Variants in TMEM117 observed in about 807,000 individuals in gnomAD.
The protein encoded by TMEM117 is transmembrane protein 117.
TMEM117 carries 27 observed loss-of-function variants against 52.4 expected under a neutral mutation model. The observed-to-expected ratio is 0.51, with a 90% CI of 0.38 to 0.71. The LOEUF (loss-of-function observed/expected upper bound fraction) is 0.71. Ranked by LOEUF, TMEM117 falls within the 30% of genes least tolerant of loss-of-function variation. The pLI is 0.00. For missense variants in TMEM117, 556 were observed against 630.5 expected (o/e 0.88, Z 1.26); for synonymous variants, 215 against 206.3 (o/e 1.04, Z -0.36).
At chr12:44,086,207 T>A (rs1306240946) in intron 3 of TMEM117, among the ~76,000 whole-genome samples, 4 of 148,200 alleles carry the variant, frequency 2.7e-5, no homozygotes, top group Admixed American at 6.7e-5. Flanking sequence ...GGATGTTGCT[T>A]CCAAGTCTTT....
At chr12:44,301,467 C>T (rs527949044) in intron 6 of TMEM117, among the ~76,000 whole-genome samples, 25 of 152,026 alleles carry the variant, frequency 1.6e-4, no homozygotes, top group African/African-American at 4.8e-4. Context: ...ACCAAATGAC[C>T]GACGATGAAG....
chr12:44,089,445 T>C (rs1947625897), intron 3 of TMEM117, among the ~76,000 whole-genome samples: 1 of 152,142 alleles, frequency 6.6e-6, no homozygotes, highest in Non-Finnish European at 1.5e-5. Flanking sequence ...TCACTTGACA[T>C]TTAGGTGCTT....
At chr12:44,254,665 T>TA (rs1491298898) in intron 5 of TMEM117, among the ~76,000 whole-genome samples, 5 of 151,842 alleles carry the variant, frequency 3.3e-5, no homozygotes, top group African/African-American at 9.7e-5. Flanking sequence ...TATATATATA[T>TA]TTTTTATTAT....
At chr12:43,799,055 A>G in the TMEM117 span, among the ~76,000 whole-genome samples, 2 of 152,066 alleles carry the variant, frequency 1.3e-5, no homozygotes, top group African/African-American at 4.8e-5. Context: ...AGGCAACCTT[A>G]TTAGATACAT....
the TMEM117 span, chr12:43,806,374 C>G: frequency 8.2e-7 from 1 of 1,225,062 alleles, no homozygotes; most frequent in Non-Finnish European, 1.0e-6. Context: ...GCCGCCCCGC[C>G]CCGTGAGGTT....
intron 6 of TMEM117, among the ~76,000 whole-genome samples, chr12:44,345,516 T>A (rs1362965305): frequency 6.6e-6 from 1 of 152,112 alleles, no homozygotes; most frequent in Non-Finnish European, 1.5e-5. Context: ...ATTAAATACA[T>A]AGTGATGATT....
chr12:44,180,436 C>A (rs1949177860), intron 4 of TMEM117, among the ~76,000 whole-genome samples: 1 of 151,132 alleles, frequency 6.6e-6, no homozygotes. Context: ...ATGTGCCATG[C>A]TGGTGCGCTG....
intron 2 of TMEM117, among the ~76,000 whole-genome samples, chr12:43,920,245 G>A (rs552767162): frequency 6.6e-6 from 1 of 152,052 alleles, no homozygotes; most frequent in Non-Finnish European, 1.5e-5. Flanking sequence ...CTTTTTGTTG[G>A]TCAGGCATGG....
chr12:44,191,357 A>ATCTGTCTG (rs200809736), intron 4 of TMEM117, among the ~76,000 whole-genome samples: 148 of 148,546 alleles, frequency 1.0e-3, no homozygotes, highest in African/African-American at 3.4e-3. Flanking sequence ...CTATCTATCT[A>ATCTGTCTG]TCTGTCTGTC....
intron 4 of TMEM117, among the ~76,000 whole-genome samples, chr12:44,175,382 T>C (rs1037466830): frequency 6.6e-6 from 1 of 152,168 alleles, no homozygotes; most frequent in Non-Finnish European, 1.5e-5. Context: ...TGTCATTCAC[T>C]GAGTGAGGGA....
Position 43,998,871 on chromosome 12 carries a change from A to C in TMEM117, c.410+54529A>C, listed in dbSNP as rs73286252. Among the ~76,000 whole-genome samples, 908 of 152,294 alleles carry C rather than the reference A, an allele frequency of 6.0e-3. 11 individuals are homozygous for C. The highest frequency in any genetic ancestry group is 0.021 in the African/African-American group (855 of 41,554). On this transcript the variant is annotated intron_variant, in intron 3 of 7. Transcript: ENST00000266534. ...AACAAATCAGTAAGAAAAAAGATAG[A>C]CATAGAAATATGGTCAAGAGACTTA...
intron 3 of TMEM117, among the ~76,000 whole-genome samples, chr12:44,040,023 G>A (rs1946772977): frequency 6.6e-6 from 1 of 152,054 alleles, no homozygotes; most frequent in Non-Finnish European, 1.5e-5. Context: ...TTAACAATAG[G>A]TTACCTGGGG....
chr12:43,858,058 T>A (rs1027319079), intron 2 of TMEM117, among the ~76,000 whole-genome samples: 3 of 152,204 alleles, frequency 2.0e-5, no homozygotes, highest in Admixed American at 2.0e-4. Context: ...GCTTTAGTTG[T>A]TTTACTGTGG....
At chr12:44,376,764 C>T (rs374034013) in intron 7 of TMEM117, 40 bp downstream of exon 7, 31 of 1,560,928 alleles carry the variant, frequency 2.0e-5, no homozygotes, top group Non-Finnish European at 2.5e-5. Context: ...TATCTTCGTA[C>T]ATTAGTTAGG....
intron 4 of TMEM117, among the ~76,000 whole-genome samples, chr12:44,168,882 T>A (rs1042955778): frequency 6.6e-6 from 1 of 152,188 alleles, no homozygotes; most frequent in East Asian, 1.9e-4. Flanking sequence ...CCTCAGCCAC[T>A]GGCAGCTAGC....
intron 2 of TMEM117, among the ~76,000 whole-genome samples, chr12:43,909,663 T>C (rs1029642245): frequency 2.0e-5 from 3 of 152,012 alleles, no homozygotes; most frequent in East Asian, 1.9e-4. Flanking sequence ...AAAGGAGATA[T>C]CACCACTGCT....
At chr12:43,857,943 T>C (rs533476765) in intron 2 of TMEM117, among the ~76,000 whole-genome samples, 33 of 152,286 alleles carry the variant, frequency 2.2e-4, no homozygotes, top group African/African-American at 7.5e-4. Context: ...GTAACTATGT[T>C]GCCCTGCACG....
intron 2 of TMEM117, among the ~76,000 whole-genome samples, chr12:43,852,124 C>T (rs1943319053): frequency 6.6e-6 from 1 of 150,736 alleles, no homozygotes. Flanking sequence ...TGGTGAAACC[C>T]TGTCTGTACT....
intron 5 of TMEM117, among the ~76,000 whole-genome samples, chr12:44,230,080 A>G (rs1949913679): frequency 6.6e-6 from 1 of 152,060 alleles, no homozygotes; most frequent in Non-Finnish European, 1.5e-5. Context: ...TCAAGCCCCT[A>G]TTATGACCTC....
Sources: gnomAD v4.1 joint callset for allele counts (sites outside exome capture counted in the v4.1 genomes callset) on GRCh38, gnomAD v4.1.1 for gene constraint, MANE v1.5 for transcripts, NCBI Gene and HGNC (gene_info 2026-07-23, HGNC 2026-07-21) for gene names.